FAM3C: variants seen among roughly 807,000 people sequenced by gnomAD.
The protein encoded by FAM3C is protein FAM3C.
In FAM3C, 15 loss-of-function variants were observed where a neutral mutation model predicts 32.5. That is an observed-to-expected ratio of 0.46 (90% CI 0.31 to 0.71). The LOEUF is 0.71. FAM3C is among the 30% of genes least tolerant of loss of function. The probability of loss-of-function intolerance (pLI) is 0.05; values close to 1 mark genes in which losing one functional copy is unlikely to be tolerated. For missense variants in FAM3C, 175 were observed against 274.4 expected (o/e 0.64, Z 2.56); for synonymous variants, 75 against 86.1 (o/e 0.87, Z 0.72).
At position 121,350,567 on chromosome 7, in the gene FAM3C, A is replaced by T. The variant is rs1442314371; in HGVS notation, c.595-17T>A. On this transcript the variant is annotated splice_polypyrimidine_tract_variant and intron_variant, in intron 9 of 9. Coordinates refer to ENST00000359943, the MANE Select transcript of FAM3C (RefSeq NM_014888.3). Reference sequence around the variant, plus strand: ...CTTTATGTGCTATTGGAACACAGTAATAATATACAGTTTAAAAAACCGTTG... The same window carrying T: ...CTTTATGTGCTATTGGAACACAGTATTAATATACAGTTTAAAAAACCGTTG... The T allele has an allele frequency of 6.2e-7, 1 of 1,611,064 alleles. No homozygotes were observed. The highest frequency in any genetic ancestry group is 1.7e-5 in the Admixed American group (1 of 59,688).
At chr7:121,372,085 TA>T in intron 4 of FAM3C, 24 bp downstream of exon 4, 1 of 1,572,306 alleles carries the variant, frequency 6.4e-7, no homozygotes, top group South Asian at 1.1e-5. Flanking sequence ...AAATCATACA[TA>T]AAATATTGAG....
intron 4 of FAM3C, 24 bp from the exon 5 acceptor site, chr7:121,371,447 C>T (rs1168251398): frequency 6.2e-7 from 1 of 1,610,096 alleles, no homozygotes; most frequent in Non-Finnish European, 8.5e-7. Flanking sequence ...AACATGATGT[C>T]TTTTTTTAGA....
chr7:121,379,534 G>A (rs1281408489), intron 2 of FAM3C, among the ~76,000 whole-genome samples: 1 of 152,048 alleles, frequency 6.6e-6, no homozygotes, highest in African/African-American at 2.4e-5. Flanking sequence ...CTCCTGGTGT[G>A]GCGATCAACA....
At chr7:121,393,590 C>A (rs761391458) in intron 1 of FAM3C, among the ~76,000 whole-genome samples, 8 of 152,070 alleles carry the variant, frequency 5.3e-5, no homozygotes, top group Non-Finnish European at 1.0e-4. Flanking sequence ...AGAATAGCTT[C>A]AATCAAATGG....
At chr7:121,370,481 ATTATT>A (rs943665992) in intron 5 of FAM3C, among the ~76,000 whole-genome samples, 2 of 152,188 alleles carry the variant, frequency 1.3e-5, no homozygotes, top group African/African-American at 4.8e-5. Context: ...TGACAAATTT[ATTATT>A]TTATATTAAA....
chr7:121,351,341 T>A lies in FAM3C; in HGVS notation c.468-72A>T, dbSNP rs553410809. On this transcript the variant is annotated intron_variant, in intron 8 of 9. Transcript: ENST00000359943. ...ATGCTAATACTGGTTCACTGGGATA[T>A]TAACACAAAACATGAGACAAAATGA... 111 of 1,354,430 alleles carry A rather than the reference T, an allele frequency of 8.2e-5. 1 individual carries two copies. The South Asian group carries it at 1.9e-3, about 23-fold the overall frequency. The allele number at this position is 1,354,430 out of a possible 1,614,324, so 83.9% of individuals were successfully genotyped here. A position where few individuals can be genotyped will look rare whatever the true frequency, so the allele number is the denominator to read the frequency against.
chr7:121,366,340 T>C (rs1287763587), intron 5 of FAM3C, among the ~76,000 whole-genome samples: 1 of 152,130 alleles, frequency 6.6e-6, no homozygotes, highest in Non-Finnish European at 1.5e-5. Context: ...ATCCATACAA[T>C]GGAATATCGT....
intron 8 of FAM3C, among the ~76,000 whole-genome samples, chr7:121,358,283 C>T (rs929459946): frequency 2.0e-4 from 30 of 151,854 alleles, no homozygotes; most frequent in Non-Finnish European, 3.7e-4. Flanking sequence ...AAAATCAATA[C>T]ATAAAAATAC....
intron 3 of FAM3C, among the ~76,000 whole-genome samples, chr7:121,376,607 A>G (rs1794242183): frequency 6.6e-6 from 1 of 152,158 alleles, no homozygotes; most frequent in African/African-American, 2.4e-5. Flanking sequence ...TCCAAAGAGC[A>G]TTTTCTTTTG....
At position 121,382,350 on chromosome 7, in the gene FAM3C, T is replaced by G. The variant is rs114709290; in HGVS notation, c.13+607A>C. The stretch of plus-strand genomic sequence containing the variant: ...TAAACTCACCTATGCAGATTAAACT[T>G]GAACAAATACTGAGCAAAAACACAT... On this transcript the variant is annotated intron_variant, in intron 2 of 9. Transcript: ENST00000359943. Among the ~76,000 whole-genome samples the G allele has an allele frequency of 8.3e-3, 1,264 of 152,268 alleles. 18 individuals carry two copies. The highest frequency in any genetic ancestry group is 0.029 in the African/African-American group (1,204 of 41,538).
rs1794558424 is a variant in FAM3C, at chr7:121,390,832, C to G, written c.-42+5330G>C. ...GATCTACAGCACACCAATCCACACA[C>G]ACAGGAAAGGCTGTGTGGGGCGGGG... On this transcript the variant is annotated intron_variant, in intron 1 of 9. Coordinates refer to ENST00000359943, the MANE Select transcript of FAM3C (RefSeq NM_014888.3). Among the ~76,000 whole-genome samples, 3 of 85,996 alleles carry G rather than the reference C, an allele frequency of 3.5e-5. No homozygotes were observed. In the South Asian group the frequency reaches 1.1e-3, roughly 32 times the overall value. 56.4% of individuals were successfully genotyped at this position (85,996 alleles called of 152,430 possible). A position where few individuals can be genotyped will look rare whatever the true frequency, so the allele number is the denominator to read the frequency against.
intron 1 of FAM3C, among the ~76,000 whole-genome samples, chr7:121,385,859 A>C (rs560994127): frequency 2.0e-5 from 3 of 152,194 alleles, no homozygotes; most frequent in Non-Finnish European, 1.5e-5. Flanking sequence ...TATTTTATGT[A>C]ATCTTCCCAC....
In FAM3C at chr7:121,386,342, A is replaced by C. The variant is rs541028619; in HGVS notation, c.-41-3332T>G. Among the ~76,000 whole-genome samples the C allele has an allele frequency of 3.9e-5, 6 of 152,196 alleles. No homozygotes were observed. The East Asian group carries it at 7.7e-4, about 20-fold the overall frequency. ...CTGGACAAATGACAATTTTAACCCA[A>C]CCAACTTAGAAAGTTCCCATGATTC... On this transcript the variant is annotated intron_variant, in intron 1 of 9. Coordinates refer to ENST00000359943, the MANE Select transcript of FAM3C (RefSeq NM_014888.3).
At chr7:121,368,778 C>T (rs1794077596) in intron 5 of FAM3C, among the ~76,000 whole-genome samples, 2 of 151,856 alleles carry the variant, frequency 1.3e-5, no homozygotes, top group African/African-American at 4.8e-5. Flanking sequence ...TCCTCCTGCT[C>T]GAAGACCAAG....
chr7:121,352,991 G>A (rs1194705490), intron 8 of FAM3C, among the ~76,000 whole-genome samples: 2 of 152,152 alleles, frequency 1.3e-5, no homozygotes, highest in Admixed American at 1.3e-4. Flanking sequence ...TAGGCTCAGT[G>A]GTCAGCTAAA....
intron 1 of FAM3C, among the ~76,000 whole-genome samples, chr7:121,392,102 C>T (rs1584712297): frequency 6.6e-6 from 1 of 152,294 alleles, no homozygotes; most frequent in Middle Eastern, 3.4e-3. Context: ...CTCCTGGATT[C>T]CCCTGGTGGA....
intron 1 of FAM3C, among the ~76,000 whole-genome samples, chr7:121,384,398 A>T (rs548022259): frequency 6.6e-6 from 1 of 152,360 alleles, no homozygotes; most frequent in African/African-American, 2.4e-5. Flanking sequence ...CCAACTGGTT[A>T]TAAATCCTCT....
intron 8 of FAM3C, among the ~76,000 whole-genome samples, chr7:121,352,757 G>A (rs1444210791): frequency 6.6e-6 from 1 of 152,226 alleles, no homozygotes; most frequent in African/African-American, 2.4e-5. Flanking sequence ...TGGTGCTAGA[G>A]GGAAATGCCC....
At chr7:121,373,925 G>A (rs1005839260) in intron 3 of FAM3C, among the ~76,000 whole-genome samples, 1 of 151,204 alleles carries the variant, frequency 6.6e-6, no homozygotes, top group Admixed American at 6.6e-5. Flanking sequence ...GAACCCGCGA[G>A]GTGGAGCTTG....
Sources: gnomAD v4.1 joint callset for allele counts (sites outside exome capture counted in the v4.1 genomes callset) on GRCh38, gnomAD v4.1.1 for gene constraint, MANE v1.5 for transcripts, NCBI Gene and HGNC (gene_info 2026-07-23, HGNC 2026-07-21) for gene names.